Variants in SEMA6D observed in about 807,000 individuals in gnomAD.
SEMA6D encodes the protein semaphorin 6D.
A neutral mutation model predicts 106.6 loss-of-function variants in SEMA6D; 35 were observed. The ratio of observed to expected loss-of-function variants is 0.33; its 90% CI spans 0.25 to 0.44. The LOEUF (loss-of-function observed/expected upper bound fraction) is 0.44. SEMA6D is among the 20% of genes least tolerant of loss of function. The pLI, the probability that SEMA6D is intolerant of heterozygous loss-of-function variation, is 1.00. For missense variants in SEMA6D, 1,185 were observed against 1,345.9 expected (o/e 0.88, Z 1.87); for synonymous variants, 499 against 487.7 (o/e 1.02, Z -0.31).
upstream of SEMA6D, among the ~76,000 whole-genome samples, chr15:47,714,813 A>G (rs530882543): frequency 7.0e-4 from 107 of 152,314 alleles, 1 homozygote; most frequent in African/African-American, 2.5e-3. Context: ...GGTTTAGCAC[A>G]TAAGGGAGTG....
At chr15:47,667,803 A>T (rs1038849492) in intron 4 of SEMA6D, among the ~76,000 whole-genome samples, 2 of 152,214 alleles carry the variant, frequency 1.3e-5, no homozygotes, top group African/African-American at 4.8e-5. Context: ...CGACATATGA[A>T]TTTGGGGGGA....
At chr15:47,287,957 G>A (rs868628903) in intron 1 of SEMA6D, among the ~76,000 whole-genome samples, 1 of 152,146 alleles carries the variant, frequency 6.6e-6, no homozygotes, top group South Asian at 2.1e-4. Context: ...CAAAGGGGGA[G>A]ATGGTTTTTC....
At chr15:47,711,769 G>T (rs1036749663) in intron 4 of SEMA6D, among the ~76,000 whole-genome samples, 3 of 152,094 alleles carry the variant, frequency 2.0e-5, no homozygotes, top group Non-Finnish European at 2.9e-5. Context: ...AGGCAAACAG[G>T]AAAGAAAAGA....
intron 2 of SEMA6D, 173 bp from the exon 3 acceptor site, chr15:47,760,131 T>TAAACG: frequency 1.6e-6 from 1 of 632,950 alleles, no homozygotes; most frequent in South Asian, 2.0e-5. Flanking sequence ...TATTTTGAGT[T>TAAACG]AAAAAGACCA....
At chr15:47,295,912 C>T (rs2035785560) in intron 1 of SEMA6D, among the ~76,000 whole-genome samples, 1 of 152,186 alleles carries the variant, frequency 6.6e-6, no homozygotes. Flanking sequence ...ACCTCTGAAA[C>T]ATTCTGTGAT....
chr15:47,210,016 A>T (rs559173467), intron 1 of SEMA6D, among the ~76,000 whole-genome samples: 2 of 152,334 alleles, frequency 1.3e-5, no homozygotes, highest in Admixed American at 1.3e-4. Context: ...AAAGAAAATG[A>T]TATAAGAAGT....
intron 4 of SEMA6D, among the ~76,000 whole-genome samples, chr15:47,602,861 G>T (rs1321318326): frequency 6.6e-6 from 1 of 152,110 alleles, no homozygotes; most frequent in Non-Finnish European, 1.5e-5. Context: ...TTTGTACAGG[G>T]TCACTGTGGG....
At chr15:47,548,302 G>A (rs895313914) in intron 3 of SEMA6D, among the ~76,000 whole-genome samples, 2 of 152,282 alleles carry the variant, frequency 1.3e-5, no homozygotes, top group East Asian at 1.9e-4. Context: ...AGAGGCAGCT[G>A]TGGCTCAGCT....
chr15:47,748,133 T>C (rs2081245646), intron 1 of SEMA6D, among the ~76,000 whole-genome samples: 1 of 152,232 alleles, frequency 6.6e-6, no homozygotes, highest in East Asian at 1.9e-4. Flanking sequence ...AAAAGAGGCA[T>C]CTGTTGCCTT....
intron 3 of SEMA6D, among the ~76,000 whole-genome samples, chr15:47,554,041 G>C (rs1308946654): frequency 6.6e-6 from 1 of 152,158 alleles, no homozygotes; most frequent in Non-Finnish European, 1.5e-5. Context: ...CACATACTTT[G>C]CACCAGGGGA....
chr15:47,766,690 C>G lies in SEMA6D; in HGVS notation c.1708+13C>G. The G allele has an allele frequency of 6.5e-7, 1 of 1,549,522 alleles. No individual in the cohort carries two copies. On this transcript the variant is annotated intron_variant, in intron 16 of 18. Transcript: ENST00000536845. ...GGGGACTGCCATGGTAAGACAGAATCTTCCATTCCCACCTGGAGCTTCTTT... is the reference window on the plus strand; with the variant it reads ...GGGGACTGCCATGGTAAGACAGAATGTTCCATTCCCACCTGGAGCTTCTTT...
chr15:47,372,487 C>A (rs2039309319), intron 1 of SEMA6D, among the ~76,000 whole-genome samples: 1 of 152,166 alleles, frequency 6.6e-6, no homozygotes, highest in Admixed American at 6.6e-5. Flanking sequence ...ATTTAGTTAG[C>A]CTCAAAATAC....
chr15:47,399,123 G>C (rs981909912), intron 1 of SEMA6D, among the ~76,000 whole-genome samples: 3 of 152,058 alleles, frequency 2.0e-5, no homozygotes, highest in African/African-American at 7.2e-5. Context: ...TATTTCCTCA[G>C]TTAAAAAAGA....
intron 1 of SEMA6D, among the ~76,000 whole-genome samples, chr15:47,398,262 C>T (rs1490379513): frequency 6.6e-6 from 1 of 152,206 alleles, no homozygotes; most frequent in East Asian, 1.9e-4. Context: ...TTGACATATC[C>T]CAAAATAGCC....
chr15:47,365,890 G>GGAGA (rs201368884), intron 1 of SEMA6D, among the ~76,000 whole-genome samples: 407 of 119,796 alleles, frequency 3.4e-3, no homozygotes, highest in East Asian at 6.1e-3. Flanking sequence ...GAGAGAGAGA[G>GGAGA]GAGAGAGAGA....
At chr15:47,252,139 G>C (rs964589989) in intron 1 of SEMA6D, among the ~76,000 whole-genome samples, 2 of 145,108 alleles carry the variant, frequency 1.4e-5, no homozygotes, top group Admixed American at 6.8e-5. Context: ...GGATGGTCTC[G>C]ATCTCCTGAC....
chr15:47,230,507 C>G (rs1482431165), intron 1 of SEMA6D, among the ~76,000 whole-genome samples: 2 of 152,080 alleles, frequency 1.3e-5, no homozygotes, highest in Admixed American at 6.6e-5. Flanking sequence ...TCTCCAGTAC[C>G]TAACACAAGT....
At chr15:47,579,588 T>C (rs1294685806) in intron 3 of SEMA6D, among the ~76,000 whole-genome samples, 7 of 152,214 alleles carry the variant, frequency 4.6e-5, no homozygotes, top group Non-Finnish European at 7.3e-5. Flanking sequence ...TAAAACCATA[T>C]GCATCATTTT....
chr15:47,494,982 T>C (rs2043607230), intron 3 of SEMA6D, among the ~76,000 whole-genome samples: 2 of 151,354 alleles, frequency 1.3e-5, no homozygotes, highest in African/African-American at 4.8e-5. Flanking sequence ...TTTGTAGTAA[T>C]GTTTAACTAT....
Sources: gnomAD v4.1 joint callset for allele counts (sites outside exome capture counted in the v4.1 genomes callset) on GRCh38, gnomAD v4.1.1 for gene constraint, MANE v1.5 for transcripts, NCBI Gene and HGNC (gene_info 2026-07-23, HGNC 2026-07-21) for gene names.